SPRY3: variants seen among roughly 807,000 people sequenced by gnomAD.
SPRY3 encodes the protein sprouty RTK signaling antagonist 3.
In SPRY3, 15 loss-of-function variants were observed where a neutral mutation model predicts 20.2. The observed-to-expected ratio is 0.74, with a 90% CI of 0.50 to 1.14. The LOEUF (loss-of-function observed/expected upper bound fraction) is 1.14. Among genes scored for constraint, SPRY3 ranks in the 50% most tolerant of loss-of-function variants. The pLI, the probability that SPRY3 is intolerant of heterozygous loss-of-function variation, is 0.00. For missense variants in SPRY3, 364 were observed against 363.9 expected, an observed-to-expected ratio of 1.00 and a Z score of 0.00; for synonymous variants, 143 against 136.5, an observed-to-expected ratio of 1.05 and a Z score of -0.33.
Position 155,773,793 on chromosome X carries a change from G to GT in SPRY3, c.-78dup, listed in dbSNP as rs2091399628. On this transcript the variant is annotated 5_prime_UTR_variant, in exon 4 of 4. The change creates a premature stop within an existing upstream ORF in the 5' untranslated region. Transcript: ENST00000675360. ...TTTTCTCATGTGCCCTGAAATCCAT[G>GT]TAACTACAAGGGCTCCTCTTTATCA... 6.7e-7 allele frequency: 1 copy of GT among 1,497,036 alleles called. No homozygotes were observed. The allele number at this position is 1,497,036 out of a possible 1,614,324, so 92.7% of individuals were successfully genotyped here.
intron 3 of SPRY3, among the ~76,000 whole-genome samples, chrX:155,773,197 C>T (rs1219208578): frequency 1.3e-5 from 2 of 150,966 alleles, no homozygotes; most frequent in Non-Finnish European, 2.9e-5. Flanking sequence ...GTATCTCTGC[C>T]TTTATTGCAT....
chrX:155,754,978 A>G (rs549323348), intron 2 of SPRY3, among the ~76,000 whole-genome samples: 1 of 147,438 alleles, frequency 6.8e-6, no homozygotes, highest in African/African-American at 2.5e-5. Flanking sequence ...GTGTGTGTGT[A>G]TTTTAAATAG....
At chrX:155,652,530 C>T (rs1327978080) in intron 1 of SPRY3, among the ~76,000 whole-genome samples, 1 of 111,678 alleles carries the variant, frequency 9.0e-6, no homozygotes, top group Non-Finnish European at 1.9e-5. Context: ...TGCCTTATTT[C>T]ATGTTGCAAA....
intron 1 of SPRY3, among the ~76,000 whole-genome samples, chrX:155,646,490 G>T (rs2067958210): frequency 9.0e-6 from 1 of 111,423 alleles, no homozygotes; most frequent in Admixed American, 9.5e-5. Flanking sequence ...CAGTGTACAA[G>T]ACTTTTGCCT....
chrX:155,624,656 G>C (rs782068727), intron 1 of SPRY3, among the ~76,000 whole-genome samples: 9 of 110,866 alleles, frequency 8.1e-5, no homozygotes, highest in Admixed American at 1.9e-4. Flanking sequence ...TCATAATGTA[G>C]TATTTTCACT....
intron 1 of SPRY3, among the ~76,000 whole-genome samples, chrX:155,614,212 C>T (rs2067842668): frequency 1.8e-5 from 2 of 111,720 alleles, no homozygotes; most frequent in Admixed American, 9.5e-5. Flanking sequence ...AGATATAGTC[C>T]ATGCCCTTAT....
At chrX:155,767,769 G>C (rs1019248713) in intron 2 of SPRY3, 193 bp from the exon 2 acceptor site, 1 of 140,776 alleles carries the variant, frequency 7.1e-6, no homozygotes, top group African/African-American at 3.2e-5. Context: ...AGGAGGAGGA[G>C]GAGAAAGAGG....
At chrX:155,673,006 A>G (rs2068047165) in intron 2 of SPRY3, among the ~76,000 whole-genome samples, 1 of 88,916 alleles carries the variant, frequency 1.1e-5, no homozygotes, top group Non-Finnish European at 2.2e-5. Context: ...ATAGGTGGGA[A>G]TTGAACAATG....
chrX:155,642,664 G>GTTT (rs2067945816), intron 1 of SPRY3, among the ~76,000 whole-genome samples: 1 of 111,174 alleles, frequency 9.0e-6, no homozygotes, highest in Non-Finnish European at 1.9e-5. Context: ...ATAGGTTTTA[G>GTTT]TATGTTGTGT....
intron 2 of SPRY3, among the ~76,000 whole-genome samples, chrX:155,673,144 G>A (rs1406521989): frequency 2.5e-4 from 25 of 101,439 alleles, no homozygotes; most frequent in Admixed American, 6.4e-4. Context: ...CAGCACACCA[G>A]CATGGCACAT....
chrX:155,708,448 C>A (rs1444141280), intron 2 of SPRY3, among the ~76,000 whole-genome samples: 1 of 151,242 alleles, frequency 6.6e-6, no homozygotes, highest in Non-Finnish European at 1.5e-5. Flanking sequence ...ATTTTCTTTG[C>A]CTTTGTTACT....
intron 2 of SPRY3, among the ~76,000 whole-genome samples, chrX:155,705,806 A>G (rs1221763609): frequency 5.3e-5 from 8 of 151,352 alleles, no homozygotes; most frequent in Admixed American, 5.3e-4. Context: ...AACTCTCCAA[A>G]AGACATAATC....
intron 2 of SPRY3, among the ~76,000 whole-genome samples, chrX:155,714,506 C>A (rs1247243975): frequency 1.3e-5 from 2 of 152,142 alleles, no homozygotes; most frequent in African/African-American, 2.4e-5. Flanking sequence ...CTTACTTTCT[C>A]CCAAACATAT....
intron 2 of SPRY3, among the ~76,000 whole-genome samples, chrX:155,727,301 G>A (rs1432263155): frequency 6.6e-6 from 1 of 152,106 alleles, no homozygotes; most frequent in African/African-American, 2.4e-5. Context: ...ACTTCTCGAG[G>A]AGTATCTTTG....
chrX:155,713,777 A>T (rs1278694900), intron 2 of SPRY3, among the ~76,000 whole-genome samples: 1 of 150,618 alleles, frequency 6.6e-6, no homozygotes, highest in Non-Finnish European at 1.5e-5. Context: ...TTTGAAAAAA[A>T]CTTCCTACTC....
chrX:155,721,541 T>A (rs996232782), intron 2 of SPRY3, among the ~76,000 whole-genome samples: 3 of 151,824 alleles, frequency 2.0e-5, no homozygotes, highest in Non-Finnish European at 4.4e-5. Context: ...AAAGAAAGGA[T>A]CCTAAAAGTA....
intron 2 of SPRY3, among the ~76,000 whole-genome samples, chrX:155,704,106 T>C (rs1394431828): frequency 2.0e-5 from 3 of 151,820 alleles, no homozygotes; most frequent in Non-Finnish European, 4.4e-5. Flanking sequence ...TTCCACAAAA[T>C]ATTATGAGGC....
At chrX:155,760,379 T>C (rs2091299345) in intron 2 of SPRY3, among the ~76,000 whole-genome samples, 1 of 152,198 alleles carries the variant, frequency 6.6e-6, no homozygotes, top group African/African-American at 2.4e-5. Flanking sequence ...GGCTTAGCTT[T>C]GGAATTGTTT....
At chrX:155,699,198 GT>G in intron 2 of SPRY3, among the ~76,000 whole-genome samples, 1 of 112,037 alleles carries the variant, frequency 8.9e-6, no homozygotes, top group Middle Eastern at 4.7e-3. Context: ...AGAACTCATA[GT>G]TTTTTTGAAC....
Sources: allele counts gnomAD v4.1 joint callset (sites outside exome capture counted in the v4.1 genomes callset), GRCh38; gene constraint gnomAD v4.1.1; transcripts MANE v1.5; gene names NCBI Gene and HGNC (gene_info 2026-07-23, HGNC 2026-07-21).